The following CUX1 variants were observed in gnomAD, a reference collection of about 807,000 sequenced individuals.
CUX1 encodes cut like homeobox 1.
A neutral mutation model predicts 158.8 loss-of-function variants in CUX1; 31 were observed. The ratio of observed to expected loss-of-function variants is 0.20; its 90% CI spans 0.15 to 0.26. The LOEUF (loss-of-function observed/expected upper bound fraction) is 0.26, where lower values mean the gene tolerates loss of function less well. Among genes scored for constraint, CUX1 ranks in the 10% least tolerant of loss-of-function variants. The pLI, the probability that CUX1 is intolerant of heterozygous loss-of-function variation, is 1.00. For synonymous variants in CUX1, 879 were observed against 862.1 expected (o/e 1.02, Z -0.34); for missense variants, 1,589 against 2,014.6 (o/e 0.79, Z 4.04).
chr7:102,136,450 G>A (rs1469906103), intron 8 of CUX1, among the ~76,000 whole-genome samples: 1 of 151,456 alleles, frequency 6.6e-6, no homozygotes, highest in Admixed American at 6.6e-5. Flanking sequence ...GGAGTGCAGT[G>A]GCACGATCTC....
At chr7:102,275,201 G>C (rs781806040) in intron 16 of CUX1, 1 of 1,468,558 alleles carries the variant, frequency 6.8e-7, no homozygotes, top group Non-Finnish European at 9.3e-7. Context: ...CGCCTGCTGG[G>C]TTCCACCTCC....
intron 8 of CUX1, chr7:102,154,202 G>T (rs1470437968): frequency 6.6e-6 from 1 of 152,062 alleles, no homozygotes; most frequent in Non-Finnish European, 1.5e-5. Flanking sequence ...TAAAGATGAA[G>T]ATATTTCCCA....
chr7:102,021,614 C>CTTTT (rs67147187), intron 2 of CUX1, among the ~76,000 whole-genome samples: 11,579 of 107,350 alleles, frequency 0.11, 434 homozygotes, highest in Non-Finnish European at 0.15. Context: ...TTTTTTTTCT[C>CTTTT]TTTTTTTTTT....
chr7:102,119,374 G>C (rs999472548), intron 8 of CUX1, among the ~76,000 whole-genome samples: 1 of 152,202 alleles, frequency 6.6e-6, no homozygotes, highest in Non-Finnish European at 1.5e-5. Context: ...ATCGCCATGC[G>C]TCAGCTGGGA....
intron 2 of CUX1, among the ~76,000 whole-genome samples, chr7:102,017,893 T>C (rs1263836487): frequency 6.6e-6 from 1 of 152,162 alleles, no homozygotes; most frequent in African/African-American, 2.4e-5. Flanking sequence ...AATCTATTGA[T>C]GTAATTGATG....
intron 1 of CUX1, among the ~76,000 whole-genome samples, chr7:101,879,628 A>G (rs1421541844): frequency 6.7e-6 from 1 of 149,368 alleles, no homozygotes; most frequent in Non-Finnish European, 1.5e-5. Flanking sequence ...GTGTGGTGTG[A>G]CCCCCCTGAC....
At chr7:102,187,515 G>A (rs1289541954) in intron 11 of CUX1, among the ~76,000 whole-genome samples, 6 of 152,100 alleles carry the variant, frequency 3.9e-5, no homozygotes, top group Admixed American at 2.0e-4. Flanking sequence ...TCGAGTTCCA[G>A]GCTCAGGCTG....
At chr7:102,207,773 A>G (rs1796105679) in intron 20 of CUX1, among the ~76,000 whole-genome samples, 2 of 152,212 alleles carry the variant, frequency 1.3e-5, no homozygotes, top group Admixed American at 1.3e-4. Flanking sequence ...AAAAAATTGT[A>G]TAGCATAATG....
At chr7:102,155,022 A>G (rs997610521) in intron 8 of CUX1, among the ~76,000 whole-genome samples, 2 of 152,212 alleles carry the variant, frequency 1.3e-5, no homozygotes, top group Non-Finnish European at 2.9e-5. Context: ...CGCAGCAGCT[A>G]TGTATTTTCA....
In CUX1 at chr7:102,133,904, T is replaced by C. The variant is rs535167718; in HGVS notation, c.674+18631T>C. 3.9e-5 allele frequency among the ~76,000 whole-genome samples: 6 copies of C among 152,350 alleles called. No homozygotes were observed. The South Asian group carries it at 1.2e-3, about 32-fold the overall frequency. On this transcript the variant is annotated intron_variant, in intron 8 of 23. Transcript: ENST00000292535. ...TTGCGAGTGGAAATCACAGAGGCTTTCACATCTCATTCCCGTTGTTACGGA... is the reference window on the plus strand; with the variant it reads ...TTGCGAGTGGAAATCACAGAGGCTTCCACATCTCATTCCCGTTGTTACGGA...
chr7:101,953,102 C>A (rs1178641355), intron 2 of CUX1, among the ~76,000 whole-genome samples: 1 of 152,168 alleles, frequency 6.6e-6, no homozygotes, highest in Non-Finnish European at 1.5e-5. Context: ...CGAGTCAGCC[C>A]GCTGGGGTTC....
chr7:101,832,227 G>A (rs971876107), intron 1 of CUX1, among the ~76,000 whole-genome samples: 17 of 152,324 alleles, frequency 1.1e-4, no homozygotes, highest in Admixed American at 7.2e-4. Context: ...CAGACTCAGT[G>A]TGCCTGGCCC....
chr7:101,843,222 C>T (rs1452940264), intron 1 of CUX1, among the ~76,000 whole-genome samples: 1 of 151,970 alleles, frequency 6.6e-6, no homozygotes, highest in Non-Finnish European at 1.5e-5. Context: ...GTTGCTTTTT[C>T]TCTTTAATTA....
intron 4 of CUX1, among the ~76,000 whole-genome samples, chr7:102,090,703 TC>T (rs1554481979): frequency 5.0e-4 from 69 of 137,876 alleles, no homozygotes; most frequent in Non-Finnish European, 9.6e-4. Flanking sequence ...TTTTTTTTTT[TC>T]CTAGCTTTTC....
chr7:101,986,546 C>T (rs953464103), intron 2 of CUX1, among the ~76,000 whole-genome samples: 1 of 152,190 alleles, frequency 6.6e-6, no homozygotes, highest in Non-Finnish European at 1.5e-5. Flanking sequence ...GGGTTGCAGG[C>T]TCCCCAGGCC....
At chr7:101,969,840 G>A (rs1224820584) in intron 2 of CUX1, among the ~76,000 whole-genome samples, 1 of 151,974 alleles carries the variant, frequency 6.6e-6, no homozygotes, top group Admixed American at 6.6e-5. Context: ...CTTGAAAAAA[G>A]AGGCGCCTGA....
At chr7:101,871,698 C>T (rs544259799) in intron 1 of CUX1, among the ~76,000 whole-genome samples, 10 of 152,146 alleles carry the variant, frequency 6.6e-5, no homozygotes, top group South Asian at 4.1e-4. Context: ...ACCTTGCCAG[C>T]GTCGCCTCGC....
At chr7:102,106,585 G>A (rs1563251796) in intron 6 of CUX1, among the ~76,000 whole-genome samples, 2 of 152,114 alleles carry the variant, frequency 1.3e-5, no homozygotes, top group Non-Finnish European at 2.9e-5. Context: ...CCTTTCCACA[G>A]CAATGATCTC....
rs546058517 is a variant in CUX1, at chr7:102,187,470, C to T, written c.1018-2343C>T. On this transcript the variant is annotated intron_variant, in intron 11 of 23. Coordinates refer to ENST00000292535, the MANE Select transcript of CUX1 (RefSeq NM_181552.4). ...ATTTTACAGATGAGAAGTTTATTAA[C>T]TTGTCCATAGGCACCCAGGTCAGAA... 2.0e-5 allele frequency among the ~76,000 whole-genome samples: 3 copies of T among 152,236 alleles called. No homozygotes were observed. The South Asian group carries it at 6.2e-4, about 32-fold the overall frequency.
Sources: gnomAD v4.1 joint callset for allele counts (sites outside exome capture counted in the v4.1 genomes callset) on GRCh38, gnomAD v4.1.1 for gene constraint, MANE v1.5 for transcripts, NCBI Gene and HGNC (gene_info 2026-07-23, HGNC 2026-07-21) for gene names.